Variants in RGS6 observed in about 807,000 individuals in gnomAD.
RGS6 encodes regulator of G protein signaling 6.
Under a neutral mutation model 78.5 loss-of-function variants are expected in RGS6, and 30 were observed. The ratio of observed to expected loss-of-function variants is 0.38; its 90% confidence interval spans 0.29 to 0.52. RGS6 has a LOEUF of 0.52. RGS6 is among the 20% of genes least tolerant of loss of function. RGS6 has a pLI of 0.85. For missense variants in RGS6, 495 were observed against 609.7 expected (o/e 0.81, Z 1.98); for synonymous variants, 206 against 206.0 (o/e 1.00, Z 0.00).
intron 2 of RGS6, among the ~76,000 whole-genome samples, chr14:72,039,086 C>G (rs1206852080): frequency 2.0e-5 from 3 of 151,992 alleles, no homozygotes; most frequent in Admixed American, 6.6e-5. Context: ...CTTTTTGTAG[C>G]AAATCTACAT....
chr14:72,060,255 A>G (rs2093824430), intron 2 of RGS6, among the ~76,000 whole-genome samples: 1 of 151,896 alleles, frequency 6.6e-6, no homozygotes, highest in South Asian at 2.1e-4. Flanking sequence ...TGTAATAGTT[A>G]TTTTGTATGT....
intron 16 of RGS6, among the ~76,000 whole-genome samples, chr14:72,536,912 T>C (rs1243100428): frequency 6.6e-6 from 1 of 152,156 alleles, no homozygotes; most frequent in Non-Finnish European, 1.5e-5. Flanking sequence ...CATGGTTCCT[T>C]GCAGCCCATG....
intron 3 of RGS6, among the ~76,000 whole-genome samples, chr14:72,422,086 G>A (rs1597302798): frequency 6.6e-6 from 1 of 152,090 alleles, no homozygotes; most frequent in Admixed American, 6.5e-5. Flanking sequence ...AATGGGGGGA[G>A]GTTCCCCTGC....
intron 2 of RGS6, among the ~76,000 whole-genome samples, chr14:72,203,100 C>T (rs2041942863): frequency 6.6e-6 from 1 of 152,096 alleles, no homozygotes. Flanking sequence ...TGGTCTCGAT[C>T]TCCTGACCTC....
Position 72,499,413 on chromosome 14 carries a change from G to T in RGS6, c.965+4151G>T, listed in dbSNP as rs934835975. On this transcript the variant is annotated intron_variant, in intron 13 of 17. Transcript: ENST00000553525. ...AGTTGCTTCCATATGCCCCTTGTCT[G>T]ATGCCACCCACTGCCTCCACTTCCA... Among the ~76,000 whole-genome samples the T allele has an allele frequency of 2.0e-5, 3 of 152,164 alleles. No individual in the cohort carries two copies. The South Asian group carries it at 6.2e-4, about 32-fold the overall frequency.
At position 71,992,068 on chromosome 14, in the gene RGS6, T is replaced by C. The variant is rs111649240; in HGVS notation, c.84+27193T>C. On this transcript the variant is annotated intron_variant, in intron 2 of 17. Transcript: ENST00000553525. ...CAGAGTGAGACAGAGTCTTACTCTG[T>C]CACCCAGGCTGGAGTGCAGTGGCAT... 5.8e-3 allele frequency among the ~76,000 whole-genome samples: 872 copies of C among 150,492 alleles called. 11 individuals carry two copies. The highest frequency in any genetic ancestry group is 0.02 in the African/African-American group (824 of 40,868).
At chr14:72,359,911 G>T (rs1469684951) in intron 3 of RGS6, among the ~76,000 whole-genome samples, 2 of 104,272 alleles carry the variant, frequency 1.9e-5, no homozygotes, top group Non-Finnish European at 3.6e-5. Context: ...TCCTTATTGG[G>T]TGTGTCCAAC....
chr14:72,106,919 C>T (rs189988529), intron 2 of RGS6, among the ~76,000 whole-genome samples: 7 of 152,164 alleles, frequency 4.6e-5, no homozygotes, highest in Admixed American at 2.6e-4. Flanking sequence ...GGTGGGACTG[C>T]GTTTTTTGTT....
intron 3 of RGS6, among the ~76,000 whole-genome samples, chr14:72,392,444 T>C (rs1383485566): frequency 3.3e-5 from 5 of 152,070 alleles, no homozygotes; most frequent in African/African-American, 9.7e-5. Context: ...CTGGGTGCTA[T>C]AGTTGTCCTA....
At chr14:72,601,728 A>C in the RGS6 span, among the ~76,000 whole-genome samples, 1 of 152,228 alleles carries the variant, frequency 6.6e-6, no homozygotes, top group Non-Finnish European at 1.5e-5. Flanking sequence ...ATTGTGTGTC[A>C]ATTAAAAATA....
the RGS6 span, among the ~76,000 whole-genome samples, chr14:71,915,423 C>T: frequency 2.2e-4 from 34 of 152,232 alleles, no homozygotes; most frequent in East Asian, 6.4e-3. Flanking sequence ...TGTCTTGTTT[C>T]TGCTGCTTGT....
intron 2 of RGS6, among the ~76,000 whole-genome samples, chr14:72,201,325 T>C (rs1567453823): frequency 1.3e-5 from 2 of 152,234 alleles, no homozygotes; most frequent in Non-Finnish European, 2.9e-5. Context: ...ACCTACTATA[T>C]GTCGATAGAA....
At chr14:71,890,045 GC>G in the RGS6 span, among the ~76,000 whole-genome samples, 1 of 151,976 alleles carries the variant, frequency 6.6e-6, no homozygotes, top group Non-Finnish European at 1.5e-5. Flanking sequence ...GCTCTCTGAG[GC>G]CCCCCCAGAA....
intron 3 of RGS6, among the ~76,000 whole-genome samples, chr14:72,355,747 A>G (rs2080128263): frequency 6.6e-6 from 1 of 152,178 alleles, no homozygotes; most frequent in Non-Finnish European, 1.5e-5. Context: ...TAGGTGCTCA[A>G]GAAAGAGCTC....
chr14:72,133,577 G>C (rs953872418), intron 2 of RGS6, among the ~76,000 whole-genome samples: 1 of 152,062 alleles, frequency 6.6e-6, no homozygotes. Flanking sequence ...ATAACCCCTG[G>C]CTCCTCAAAA....
At chr14:72,407,471 A>C (rs2093033488) in intron 3 of RGS6, among the ~76,000 whole-genome samples, 1 of 152,350 alleles carries the variant, frequency 6.6e-6, no homozygotes, top group East Asian at 1.9e-4. Context: ...GAATTGGCTC[A>C]TGTGATTACG....
chr14:72,237,015 C>G (rs957772401), intron 2 of RGS6, among the ~76,000 whole-genome samples: 3 of 152,152 alleles, frequency 2.0e-5, no homozygotes, highest in Non-Finnish European at 2.9e-5. Context: ...TGATTTTTTT[C>G]TCAGCATGGA....
chr14:72,200,962 A>AG (rs1491393686), intron 2 of RGS6, among the ~76,000 whole-genome samples: 7 of 3,620 alleles, frequency 1.9e-3, no homozygotes, highest in East Asian at 0.17. Flanking sequence ...TGCTCTGCTT[A>AG]AAAAAAAAAA....
rs370083747 is a variant in RGS6, at chr14:72,243,481, A to G, written c.85-108614A>G. 1.3e-4 allele frequency among the ~76,000 whole-genome samples: 20 copies of G among 151,446 alleles called. 1 individual carries two copies. The highest frequency in any genetic ancestry group is 7.7e-4 in the East Asian group (4 of 5,180). On this transcript the variant is annotated intron_variant, in intron 2 of 17. Transcript: ENST00000553525. ...ACATACCTCAAAACAAAGGCTCATT[A>G]TACATGACAATGCAATTCATTTGGG...
Sources: allele counts gnomAD v4.1 joint callset (sites outside exome capture counted in the v4.1 genomes callset), GRCh38; gene constraint gnomAD v4.1.1; transcripts MANE v1.5; gene names NCBI Gene and HGNC (gene_info 2026-07-23, HGNC 2026-07-21).